Variants in SAMD4A observed in about 807,000 individuals in gnomAD.
SAMD4A encodes sterile alpha motif domain containing 4A.
SAMD4A carries 33 observed loss-of-function variants against 81.3 expected under a neutral mutation model. That is an observed-to-expected ratio of 0.41 (90% CI 0.31 to 0.54). The LOEUF (loss-of-function observed/expected upper bound fraction) is 0.54, where lower values mean the gene tolerates loss of function less well. SAMD4A is among the 20% of genes least tolerant of loss of function. SAMD4A has a pLI of 0.37. For missense variants in SAMD4A, 854 were observed against 951.1 expected (o/e 0.90, Z 1.34); for synonymous variants, 389 against 382.1 (o/e 1.02, Z -0.21).
intron 2 of SAMD4A, among the ~76,000 whole-genome samples, chr14:54,604,459 C>T (rs2034144877): frequency 1.3e-5 from 2 of 152,192 alleles, no homozygotes; most frequent in South Asian, 4.1e-4. Context: ...GATTTAGGAT[C>T]ACTCTTCCGC....
intron 9 of SAMD4A, among the ~76,000 whole-genome samples, chr14:54,772,304 C>T (rs1159112688): frequency 6.6e-6 from 1 of 152,246 alleles, no homozygotes; most frequent in Non-Finnish European, 1.5e-5. Flanking sequence ...GCTTTTGTCA[C>T]TTTGTTCTCT....
chr14:54,663,873 C>G (rs1224342135), intron 2 of SAMD4A, among the ~76,000 whole-genome samples: 2 of 152,162 alleles, frequency 1.3e-5, no homozygotes, highest in Non-Finnish European at 2.9e-5. Flanking sequence ...GTGAGCCATC[C>G]CACCCATCCC....
intron 2 of SAMD4A, among the ~76,000 whole-genome samples, chr14:54,575,480 C>T (rs1438523817): frequency 6.6e-6 from 1 of 152,166 alleles, no homozygotes; most frequent in African/African-American, 2.4e-5. Flanking sequence ...ACATGCAGAG[C>T]AAAGCAAATC....
At chr14:54,574,461 G>T (rs2033227219) in intron 2 of SAMD4A, among the ~76,000 whole-genome samples, 1 of 152,172 alleles carries the variant, frequency 6.6e-6, no homozygotes, top group African/African-American at 2.4e-5. Context: ...GGAACTCTGT[G>T]CATGTGCCAT....
At position 54,718,429 on chromosome 14, in the gene SAMD4A, T is replaced by C. The variant is rs142428099; in HGVS notation, c.715+15849T>C. On this transcript the variant is annotated intron_variant, in intron 3 of 12. Transcript: ENST00000554335. ...TGTTTTTGGCTGCCCCAGCAATGGC[T>C]TAGGAGCAAGAAGCTTTATACACTC... 8.5e-4 allele frequency among the ~76,000 whole-genome samples: 130 copies of C among 152,308 alleles called. 1 individual carries two copies. Among genetic ancestry groups the C allele is most frequent in the African/African-American group, 3.0e-3 (124 of 41,578 alleles).
rs1241285668 is a variant in SAMD4A at position 54,737,094 on chromosome 14, A to G, written c.786A>G (p.Pro262=). Residue 262 remains proline (P), a synonymous_variant, in exon 4 of 13, where the codon CCA becomes CCG. Coordinates refer to ENST00000554335, the MANE Select transcript of SAMD4A (RefSeq NM_015589.6). ...CCCTTACCCCACCCATGAATGTGCCAAACCAGCCTCTAGGACATGGATGGA... is the reference window on the plus strand; with the variant it reads ...CCCTTACCCCACCCATGAATGTGCCGAACCAGCCTCTAGGACATGGATGGA... ...SVSLTPPMNV[P]NQPLGHGWMS... The G allele has an allele frequency of 6.2e-7, 1 of 1,614,100 alleles. No individual in the cohort carries two copies. Among genetic ancestry groups the G allele is most frequent in the East Asian group, 2.2e-5 (1 of 44,886 alleles).
Position 54,760,272 on chromosome 14 carries a change from C to T in SAMD4A, c.1288C>T (p.Arg430Trp), listed in dbSNP as rs778712463. 60 of 1,612,442 alleles carry T rather than the reference C, an allele frequency of 3.7e-5. No individual in the cohort carries two copies. Among genetic ancestry groups the T allele is most frequent in the Non-Finnish European group, 4.6e-5 (54 of 1,179,786 alleles). Residue 430 changes from arginine to tryptophan, a missense_variant, in exon 7 of 13, where the codon CGG becomes TGG. Arg to Trp is a moderately radical substitution (Grantham distance 101). Around this residue, in one of 3 missense-constraint regions of SAMD4A, gnomAD observed 428 missense variants for 471.2 expected, o/e 0.91. Transcript: ENST00000554335. Reference protein sequence around the residue: ...SPSTTPEARRREPQAPRQPSL... With the variant: ...SPSTTPEARRWEPQAPRQPSL... ...GAGCACCACCCCCGAGGCTCGCCGC[C>T]GGGAGCCCCAGGCCCCGCGTCAGCC... is the stretch of plus-strand genomic sequence containing the variant.
intron 3 of SAMD4A, among the ~76,000 whole-genome samples, chr14:54,712,727 A>C (rs1317660214): frequency 2.0e-5 from 3 of 152,224 alleles, no homozygotes; most frequent in Non-Finnish European, 2.9e-5. Flanking sequence ...TGCCTGGAAA[A>C]AGCCAGAGAC....
chr14:54,777,272 G>A (rs572856589), intron 11 of SAMD4A, among the ~76,000 whole-genome samples: 12 of 152,122 alleles, frequency 7.9e-5, no homozygotes, highest in African/African-American at 2.9e-4. Context: ...GCCCTGGACA[G>A]TAGAAACGCT....
intron 2 of SAMD4A, among the ~76,000 whole-genome samples, chr14:54,575,284 T>C (rs1255792276): frequency 6.6e-6 from 1 of 152,156 alleles, no homozygotes; most frequent in African/African-American, 2.4e-5. Context: ...AGTCCGATGC[T>C]CTTTCTCCTG....
At chr14:54,751,655 C>G (rs1175863417) in intron 6 of SAMD4A, 118 bp downstream of exon 6, 1 of 728,524 alleles carries the variant, frequency 1.4e-6, no homozygotes, top group South Asian at 1.6e-5. Flanking sequence ...GGTTTCCTTA[C>G]CAAAGTCAGA....
intron 2 of SAMD4A, among the ~76,000 whole-genome samples, chr14:54,571,792 C>T (rs1189068462): frequency 6.6e-6 from 1 of 152,082 alleles, no homozygotes; most frequent in African/African-American, 2.4e-5. Context: ...AATTGATAAT[C>T]CATAGTGTAT....
At chr14:54,684,182 G>A (rs1375485885) in intron 2 of SAMD4A, among the ~76,000 whole-genome samples, 1 of 152,136 alleles carries the variant, frequency 6.6e-6, no homozygotes, top group Non-Finnish European at 1.5e-5. Flanking sequence ...CATTAGTTTA[G>A]CAAATTAACT....
intron 2 of SAMD4A, among the ~76,000 whole-genome samples, chr14:54,627,654 C>A (rs376046832): frequency 6.6e-6 from 1 of 152,200 alleles, no homozygotes; most frequent in Non-Finnish European, 1.5e-5. Flanking sequence ...TGAGGTCTTT[C>A]GGTTACCAGG....
intron 2 of SAMD4A, among the ~76,000 whole-genome samples, chr14:54,595,511 G>A (rs186143336): frequency 2.7e-3 from 411 of 151,128 alleles, no homozygotes; most frequent in Non-Finnish European, 4.5e-3. Flanking sequence ...AATCTAGTAA[G>A]GCAGACTAAT....
chr14:54,681,334 T>C (rs2036123240), intron 2 of SAMD4A, among the ~76,000 whole-genome samples: 2 of 152,214 alleles, frequency 1.3e-5, no homozygotes, highest in African/African-American at 4.8e-5. Context: ...AGATGATAGA[T>C]ACTAATCAGA....
intron 2 of SAMD4A, among the ~76,000 whole-genome samples, chr14:54,699,671 A>C (rs2036663266): frequency 1.3e-5 from 2 of 152,238 alleles, no homozygotes; most frequent in African/African-American, 4.8e-5. Context: ...TAAAATGTAC[A>C]TTACCTGTTT....
intron 2 of SAMD4A, among the ~76,000 whole-genome samples, chr14:54,581,930 C>A (rs1259399312): frequency 6.6e-6 from 1 of 152,124 alleles, no homozygotes; most frequent in Admixed American, 6.5e-5. Flanking sequence ...ACTGAACAAG[C>A]GTTCGTTGGA....
At chr14:54,781,763 A>T (rs2039004804) in intron 11 of SAMD4A, among the ~76,000 whole-genome samples, 1 of 152,244 alleles carries the variant, frequency 6.6e-6, no homozygotes, top group South Asian at 2.1e-4. Context: ...GTGGGGCAAG[A>T]GCTGCCCGAA....
Sources: allele counts gnomAD v4.1 joint callset (sites outside exome capture counted in the v4.1 genomes callset), GRCh38; gene constraint gnomAD v4.1.1; regional missense constraint gnomAD v4.1.1; transcripts MANE v1.5; gene names NCBI Gene and HGNC (gene_info 2026-07-23, HGNC 2026-07-21).